ADAMTSL1: variants seen among roughly 807,000 people sequenced by gnomAD.
The protein encoded by ADAMTSL1 is ADAMTS-like protein 1.
A neutral mutation model predicts 201.8 loss-of-function variants in ADAMTSL1; 126 were observed. The ratio of observed to expected loss-of-function variants is 0.62; its 90% CI spans 0.54 to 0.72. ADAMTSL1 has a LOEUF of 0.72. Ranked by LOEUF, ADAMTSL1 falls within the 30% of genes least tolerant of loss-of-function variation. The pLI is 0.00. For synonymous variants in ADAMTSL1, 1,121 were observed against 903.4 expected (o/e 1.24, Z -4.32); for missense variants, 2,679 against 2,277.8 (o/e 1.18, Z -3.59).
At chr9:18,291,731 TCTCTCTCTCTCTCTCTCACACACA>T (rs1563863816) in intron 2 of ADAMTSL1, among the ~76,000 whole-genome samples, 31 of 128,852 alleles carry the variant, frequency 2.4e-4, no homozygotes, top group African/African-American at 9.6e-4. Context: ...TCTCTCTCTC[TCTCTCTCTCTCTCTCTCACACACA>T]CACACACACA....
intron 20 of ADAMTSL1, among the ~76,000 whole-genome samples, chr9:18,806,897 G>A (rs180876862): frequency 3.3e-4 from 51 of 152,244 alleles, no homozygotes; most frequent in Non-Finnish European, 6.2e-4. Flanking sequence ...GGATGCTGAC[G>A]TACGAGTTTT....
intron 7 of ADAMTSL1, among the ~76,000 whole-genome samples, chr9:18,650,443 G>C (rs1486904103): frequency 6.6e-6 from 1 of 152,018 alleles, no homozygotes; most frequent in Non-Finnish European, 1.5e-5. Context: ...GATGAACCCA[G>C]TACCTCAGAT....
exon 1 of ADAMTSL1, chr9:17,906,728 C>G (rs1186139285): frequency 6.5e-6 from 1 of 152,842 alleles, no homozygotes; most frequent in Non-Finnish European, 1.5e-5. Flanking sequence ...CGCCCGAGCC[C>G]GCCTGCCGGC....
chr9:18,543,135 C>T (rs958793982), intron 3 of ADAMTSL1, among the ~76,000 whole-genome samples: 4 of 152,146 alleles, frequency 2.6e-5, no homozygotes, highest in Admixed American at 6.6e-5. Context: ...AGAATTATAT[C>T]CCAGGGGACA....
intron 2 of ADAMTSL1, among the ~76,000 whole-genome samples, chr9:18,279,027 A>G (rs534147044): frequency 1.3e-5 from 2 of 151,566 alleles, no homozygotes; most frequent in East Asian, 1.9e-4. Context: ...TCTTTTTATG[A>G]TTTCTCCCTC....
At chr9:18,757,299 A>ATCCTCC (rs141290322) in intron 16 of ADAMTSL1, among the ~76,000 whole-genome samples, 13 of 150,916 alleles carry the variant, frequency 8.6e-5, no homozygotes, top group South Asian at 2.1e-4. Context: ...ACTCATCATC[A>ATCCTCC]TCCTCCTCCT....
At chr9:18,487,922 A>G (rs145888246) in intron 1 of ADAMTSL1, among the ~76,000 whole-genome samples, 42 of 152,284 alleles carry the variant, frequency 2.8e-4, no homozygotes, top group African/African-American at 9.9e-4. Context: ...TTTTCTGATT[A>G]TAGCAACTTG....
At chr9:18,616,857 C>A (rs1388272125) in intron 4 of ADAMTSL1, among the ~76,000 whole-genome samples, 1 of 152,078 alleles carries the variant, frequency 6.6e-6, no homozygotes, top group Non-Finnish European at 1.5e-5. Context: ...TAAGCATAAG[C>A]AAATTAATGA....
chr9:18,516,087 C>CAAAAAAAAAAAAAAA (rs11418722), intron 2 of ADAMTSL1, among the ~76,000 whole-genome samples: 1 of 131,118 alleles, frequency 7.6e-6, no homozygotes, highest in Non-Finnish European at 1.6e-5. Flanking sequence ...CCTCAACTAC[C>CAAAAAAAAAAAAAAA]AAAAAAAAAA....
intron 1 of ADAMTSL1, among the ~76,000 whole-genome samples, chr9:18,482,965 T>C (rs1349655537): frequency 6.6e-6 from 1 of 152,200 alleles, no homozygotes; most frequent in African/African-American, 2.4e-5. Context: ...TTGTAACTGG[T>C]CTGAGATAAC....
intron 2 of ADAMTSL1, among the ~76,000 whole-genome samples, chr9:18,425,941 G>A (rs185982801): frequency 5.9e-5 from 9 of 151,272 alleles, no homozygotes; most frequent in African/African-American, 2.2e-4. Flanking sequence ...AGGGTGAAAA[G>A]ATGTTATTAT....
chr9:18,009,859 A>G (rs984374117), intron 1 of ADAMTSL1, among the ~76,000 whole-genome samples: 4 of 152,076 alleles, frequency 2.6e-5, no homozygotes, highest in African/African-American at 9.7e-5. Flanking sequence ...GCTTGCAGAT[A>G]TAGGTACTCA....
At chr9:18,585,592 C>T (rs1823434061) in intron 4 of ADAMTSL1, among the ~76,000 whole-genome samples, 1 of 151,962 alleles carries the variant, frequency 6.6e-6, no homozygotes, top group Non-Finnish European at 1.5e-5. Flanking sequence ...ATATGACACC[C>T]TTTTCTGTGA....
At chr9:17,980,926 T>A (rs529773837) in intron 1 of ADAMTSL1, among the ~76,000 whole-genome samples, 1 of 151,884 alleles carries the variant, frequency 6.6e-6, no homozygotes, top group African/African-American at 2.4e-5. Context: ...GAGATCAAAC[T>A]GGGGGAGAGA....
chr9:18,235,668 A>G (rs1830820672), intron 2 of ADAMTSL1, among the ~76,000 whole-genome samples: 2 of 152,146 alleles, frequency 1.3e-5, no homozygotes, highest in Non-Finnish European at 2.9e-5. Context: ...CACCCATGTT[A>G]AGAGAGGTTC....
rs1346833540 is a variant in ADAMTSL1 at position 18,798,140 on chromosome 9, A to G, written c.3805+2616A>G. ...AGCCTCAAGATAATCAAGTGTCCCC[A>G]TGATTTTATAAGGAAAGTATGGACT... On this transcript the variant is annotated intron_variant, in intron 20 of 28. Coordinates refer to ENST00000380548, the MANE Select transcript of ADAMTSL1 (RefSeq NM_001040272.6). 3.3e-5 allele frequency among the ~76,000 whole-genome samples: 5 copies of G among 152,124 alleles called. No individual in the cohort carries two copies. In the East Asian group the frequency reaches 9.7e-4, roughly 29 times the overall value.
intron 3 of ADAMTSL1, among the ~76,000 whole-genome samples, chr9:18,537,991 A>AAGAG (rs1587496617): frequency 5.0e-5 from 7 of 140,234 alleles, no homozygotes; most frequent in South Asian, 2.3e-4. Flanking sequence ...AGGAAGAGGA[A>AAGAG]GAAGAAGAAG....
At chr9:17,964,475 C>T (rs1008695382) in intron 1 of ADAMTSL1, among the ~76,000 whole-genome samples, 3 of 152,094 alleles carry the variant, frequency 2.0e-5, no homozygotes, top group Admixed American at 1.3e-4. Flanking sequence ...GAGGGGGCAA[C>T]GCAAGGAATC....
intron 2 of ADAMTSL1, among the ~76,000 whole-genome samples, chr9:18,262,699 A>T (rs904081532): frequency 6.6e-6 from 1 of 152,222 alleles, no homozygotes; most frequent in Non-Finnish European, 1.5e-5. Flanking sequence ...CTCCAAAAAT[A>T]TTTCAAATAG....
Sources: gnomAD v4.1 joint callset for allele counts (sites outside exome capture counted in the v4.1 genomes callset) on GRCh38, gnomAD v4.1.1 for gene constraint, MANE v1.5 for transcripts, NCBI Gene and HGNC (gene_info 2026-07-23, HGNC 2026-07-21) for gene names.